The following MUC5B variants were observed in gnomAD, a reference collection of about 807,000 sequenced individuals.
The protein encoded by MUC5B is mucin 5B, oligomeric mucus/gel-forming.
Under a neutral mutation model 376.9 loss-of-function variants are expected in MUC5B, and 116 were observed. That is an observed-to-expected ratio of 0.31 (90% CI 0.26 to 0.36). MUC5B has a LOEUF of 0.36. Ranked by LOEUF, MUC5B falls within the 10% of genes least tolerant of loss-of-function variation. The pLI is 1.00. For missense variants in MUC5B, 7,165 were observed against 7,769.9 expected (o/e 0.92, Z 2.93); for synonymous variants, 3,517 against 3,390.9 (o/e 1.04, Z -1.29).
rs765291910 is a variant in MUC5B, at chr11:1,249,240, A to G, written c.12360A>G (p.Ile4120Met). The G allele has an allele frequency of 3.2e-5, 52 of 1,611,390 alleles. No homozygotes were observed. In the East Asian group the frequency reaches 1.1e-3, roughly 35 times the overall value. ...LLPSSPTSAP[I>M]TTVVTTGCEP... ...CCAGCAGCCCCACATCGGCCCCCATAACCACGGTGGTGACCACGGGCTGTG... is the reference window on the plus strand; with the variant it reads ...CCAGCAGCCCCACATCGGCCCCCATGACCACGGTGGTGACCACGGGCTGTG... The change falls in exon 31 of 49, where the codon ATA (isoleucine) becomes ATG (methionine). Residue 4120 changes from isoleucine to methionine, a missense_variant. Around this residue, in one of 31 missense-constraint regions of MUC5B, gnomAD observed 47 missense variants for 88.4 expected, o/e 0.53. Coordinates refer to ENST00000529681, the MANE Select transcript of MUC5B (RefSeq NM_002458.3).
rs199702689 is a variant in MUC5B at position 1,241,853 on chromosome 11, C to T, written c.4973C>T (p.Thr1658Ile). The change falls in exon 31 of 49, where the codon ACA (threonine) becomes ATA (isoleucine). Residue 1658 changes from threonine (T) to isoleucine (I), a missense_variant. By Grantham distance (89) the Thr-to-Ile change is moderately conservative. Transcript: ENST00000529681. ...TAVPTLSEGL[T>I]SPRYTSTLGT... is the part of the protein sequence containing the mutation. ...GTCCCCACCCTCTCAGAAGGACTGA[C>T]ATCCCCCAGATACACAAGCACCCTT... 2.2e-5 allele frequency: 35 copies of T among 1,613,296 alleles called. No individual in the cohort carries two copies. Among genetic ancestry groups the T allele is most frequent in the Middle Eastern group, 3.3e-4 (2 of 6,084 alleles).
chr11:1,251,102 C>T lies in MUC5B; in HGVS notation c.14222C>T (p.Thr4741Ile), dbSNP rs1048838989. The T allele has an allele frequency of 3.1e-6, 5 of 1,611,312 alleles. No homozygotes were observed. The highest frequency in any genetic ancestry group is 4.2e-6 in the Non-Finnish European group (5 of 1,178,290). Residue 4741 changes from threonine to isoleucine, a missense_variant, in exon 31 of 49, where the codon ACA becomes ATA. Coordinates refer to ENST00000529681, the MANE Select transcript of MUC5B (RefSeq NM_002458.3). ...TATTLPVLTS[T>I]ATKSTATSFT... is the part of the protein sequence containing the mutation. ...ACCACCCTTCCAGTGCTGACAAGCACAGCCACAAAATCCACAGCTACCAGC... is the reference window on the plus strand; with the variant it reads ...ACCACCCTTCCAGTGCTGACAAGCATAGCCACAAAATCCACAGCTACCAGC...
Position 1,231,520 on chromosome 11 carries a change from G to C in MUC5B, c.1638G>C (p.Val546=), listed in dbSNP as rs1423876554. The C allele has an allele frequency of 1.3e-6, 2 of 1,599,768 alleles. No individual in the cohort carries two copies. The highest frequency in any genetic ancestry group is 1.7e-6 in the Non-Finnish European group (2 of 1,174,430). ...TGCAGCTGGTGCCACTCATGCAGGT[G>C]TTTGTCAGGCTGGACCCCGCCCACC... ...LLVQLVPLMQ[V]FVRLDPAHQG... Residue 546 remains valine, a synonymous_variant, in exon 14 of 49, where the codon GTG becomes GTC. Transcript: ENST00000529681.
Position 1,249,693 on chromosome 11 carries a change from C to G in MUC5B, c.12813C>G (p.Ser4271=). 5 of 1,610,222 alleles carry G rather than the reference C, an allele frequency of 3.1e-6. No homozygotes were observed. The highest frequency in any genetic ancestry group is 4.2e-6 in the Non-Finnish European group (5 of 1,177,730). The part of the protein sequence containing the change: ...ASTGSTATPS[S]TPGTAPPPKV... ...CTGGATCCACGGCCACCCCGTCCTC[C>G]ACCCCGGGAACAGCTCCCCCTCCCA... The change falls in exon 31 of 49, where the codon TCC becomes TCG. Residue 4271 remains serine (S), a synonymous_variant. Coordinates refer to ENST00000529681, the MANE Select transcript of MUC5B (RefSeq NM_002458.3).
chr11:1,260,162 G>A, intron 46 of MUC5B, 77 bp downstream of exon 46: 2 of 1,553,314 alleles, frequency 1.3e-6, no homozygotes, highest in Non-Finnish European at 8.7e-7. Flanking sequence ...GGGATGCCCT[G>A]CACAGCAGGG....
In MUC5B at chr11:1,233,117, G is replaced by A. The variant is rs764253371; in HGVS notation, c.2170G>A (p.Val724Ile). ...GLSEADVTCS[V>I]SFVPVDGCTC... ...GAGTGAGGCCGACGTCACCTGCAGC[G>A]TTTCCTTCGTGCCTGTGGACGGCTG... Residue 724 changes from valine to isoleucine, a missense_variant, in exon 18 of 49, where the codon GTT (valine) becomes ATT (isoleucine). By Grantham distance (29) the Val-to-Ile change is conservative (BLOSUM62 3). Coordinates refer to ENST00000529681, the MANE Select transcript of MUC5B (RefSeq NM_002458.3). 24 of 1,607,718 alleles carry A rather than the reference G, an allele frequency of 1.5e-5. No individual in the cohort carries two copies. Among genetic ancestry groups the A allele is most frequent in the Middle Eastern group, 1.6e-4 (1 of 6,082 alleles).
At chr11:1,256,324 C>T (rs964604486) in intron 38 of MUC5B, 99 bp downstream of exon 38, 10 of 676,144 alleles carry the variant, frequency 1.5e-5, no homozygotes, top group South Asian at 1.6e-5. Flanking sequence ...CTGTGGGCCA[C>T]AGATCTCTGG....
At position 1,241,340 on chromosome 11, in the gene MUC5B, G is replaced by A. The variant is rs1424892207; in HGVS notation, c.4460G>A (p.Ser1487Asn). 1.2e-6 allele frequency: 2 copies of A among 1,610,950 alleles called. No individual in the cohort carries two copies. The highest frequency in any genetic ancestry group is 3.4e-5 in the Admixed American group (2 of 59,472). ...TAALTSQTGS[S>N]SGPVTVTPSA... ...GCCCTCACCTCGCAGACTGGGTCCAGCTCAGGCCCCGTGACGGTCACCCCC... is the reference window on the plus strand; with the variant it reads ...GCCCTCACCTCGCAGACTGGGTCCAACTCAGGCCCCGTGACGGTCACCCCC... The change falls in exon 31 of 49, where the codon AGC (serine) becomes AAC (asparagine). Residue 1487 changes from serine (S) to asparagine (N), a missense_variant. Ser to Asn is a conservative substitution (Grantham distance 46, BLOSUM62 1). This residue lies in a region of MUC5B where 517 missense variants were observed against 545.3 expected (regional missense o/e 0.95). Coordinates refer to ENST00000529681, the MANE Select transcript of MUC5B (RefSeq NM_002458.3).
intron 34 of MUC5B, 49 bp downstream of exon 34, chr11:1,254,400 C>A (rs753061655): frequency 1.9e-6 from 3 of 1,584,066 alleles, no homozygotes; most frequent in East Asian, 2.2e-5. Flanking sequence ...CCCAACCGCA[C>A]CTGGGCAGGC....
rs558005823 is a variant in MUC5B, at chr11:1,249,230, C to T, written c.12350C>T (p.Ser4117Leu). Residue 4117 changes from serine to leucine, a missense_variant, in exon 31 of 49, where the codon TCG (serine) becomes TTG (leucine). Ser to Leu is a moderately radical substitution (Grantham distance 145). Transcript: ENST00000529681. The stretch of plus-strand genomic sequence containing the variant: ...ACCCTGCTGCCCAGCAGCCCCACAT[C>T]GGCCCCCATAACCACGGTGGTGACC... Reference protein sequence around the residue: ...TSTLLPSSPTSAPITTVVTTG... With the variant: ...TSTLLPSSPTLAPITTVVTTG... 31 of 1,611,524 alleles carry T rather than the reference C, an allele frequency of 1.9e-5. No homozygotes were observed. Among genetic ancestry groups the T allele is most frequent in the East Asian group, 6.7e-5 (3 of 44,878 alleles).
At chr11:1,254,972 G>A in intron 35 of MUC5B, 69 bp from the exon 36 acceptor site, 2 of 1,059,450 alleles carry the variant, frequency 1.9e-6, no homozygotes, top group Middle Eastern at 2.3e-4. Flanking sequence ...GGGAATGAGT[G>A]GGGGAGGGGG....
rs762590693 is a variant in MUC5B, at chr11:1,240,221, C to T, written c.3816C>T (p.Asp1272=). Reference sequence around the variant, plus strand: ...AGGACAGGACCTACAGCTACCAGGACGTCATCTACAACACCACCGATGGGC... The same window carrying T: ...AGGACAGGACCTACAGCTACCAGGATGTCATCTACAACACCACCGATGGGC... ...TYEDRTYSYQ[D]VIYNTTDGLG... is the part of the protein sequence containing the mutation. Residue 1272 remains aspartate (D), a synonymous_variant, in exon 30 of 49, where the codon GAC becomes GAT. Transcript: ENST00000529681. 6.2e-6 allele frequency: 10 copies of T among 1,612,738 alleles called. No homozygotes were observed. The highest frequency in any genetic ancestry group is 1.6e-4 in the Middle Eastern group (1 of 6,078).
In MUC5B at chr11:1,232,661, C is replaced by G. The variant is rs1045493159; in HGVS notation, c.1956C>G (p.Thr652=). 1.2e-6 allele frequency: 2 copies of G among 1,602,056 alleles called. No individual in the cohort carries two copies. The highest frequency in any genetic ancestry group is 2.7e-5 in the African/African-American group (2 of 74,738). ...CTCCGCAGAACTGCATGTTTGACACCTGCAACTGTGAGCGGAGCGAGGACT... is the reference window on the plus strand; with the variant it reads ...CTCCGCAGAACTGCATGTTTGACACGTGCAACTGTGAGCGGAGCGAGGACT... ...KPFHSNCMFD[T]CNCERSEDCL... The change falls in exon 17 of 49, where the codon ACC becomes ACG. Residue 652 remains threonine (T), a synonymous_variant. Transcript: ENST00000529681.
intron 11 of MUC5B, 105 bp from the exon 12 acceptor site, chr11:1,230,385 T>A: frequency 8.2e-7 from 1 of 1,216,184 alleles, no homozygotes; most frequent in Non-Finnish European, 1.1e-6. Context: ...AAGGACCACC[T>A]CCCCACAGAG....
In MUC5B at chr11:1,255,279, C is replaced by T. The variant is rs777565525; in HGVS notation, c.15890+13C>T. 1.3e-6 allele frequency: 2 copies of T among 1,510,334 alleles called. No homozygotes were observed. Among genetic ancestry groups the T allele is most frequent in the Non-Finnish European group, 1.8e-6 (2 of 1,122,468 alleles). 93.6% of individuals were successfully genotyped at this position (1,510,334 alleles called of 1,614,324 possible). ...TGATGCTGAGCCAGTGAGTCCTCCC[C>T]TCGGGGGTTGCAGGCCCTGGGGCGC... On this transcript the variant is annotated intron_variant, in intron 36 of 48. Coordinates refer to ENST00000529681, the MANE Select transcript of MUC5B (RefSeq NM_002458.3).
At position 1,258,080 on chromosome 11, in the gene MUC5B, G is replaced by A. The variant is rs1164250680; in HGVS notation, c.16451-19G>A. 1.3e-6 allele frequency: 2 copies of A among 1,559,288 alleles called. No individual in the cohort carries two copies. Among genetic ancestry groups the A allele is most frequent in the South Asian group, 1.2e-5 (1 of 84,906 alleles). ...GAGGAGTGAGCAGCGCCCAGACAGT[G>A]GCCTCCATCCTCCCGCAGTGTGCAA... On this transcript the variant is annotated intron_variant, in intron 41 of 48. Coordinates refer to ENST00000529681, the MANE Select transcript of MUC5B (RefSeq NM_002458.3). This position sits in a 1 kb window ranked among gnomAD's most constrained non-coding sequence, Gnocchi z 5.5.
chr11:1,233,046 G>A lies in MUC5B; in HGVS notation c.2099G>A (p.Arg700His), dbSNP rs2735715. Residue 700 changes from arginine (R) to histidine (H), a missense_variant, in exon 18 of 49, where the codon CGC becomes CAC. Physicochemically the swap from Arg to His is conservative, Grantham distance 29 (BLOSUM62 0). This residue lies in a region of MUC5B where 530 missense variants were observed against 604.0 expected (regional missense o/e 0.88). Transcript: ENST00000529681. The stretch of plus-strand genomic sequence containing the variant: ...ATGCAGAACTGCCCCAAGTCCCAGC[G>A]CTACGCCTACGTGGTGGATGCCTGC... Reference protein sequence around the residue: ...KYMQNCPKSQRYAYVVDACQP... With the variant: ...KYMQNCPKSQHYAYVVDACQP... The A allele has an allele frequency of 5.6e-6, 9 of 1,602,388 alleles. No individual in the cohort carries two copies. The highest frequency in any genetic ancestry group is 4.4e-5 in the South Asian group (4 of 90,036).
Position 1,227,670 on chromosome 11 carries a change from G to A in MUC5B, c.668-5G>A, listed in dbSNP as rs372765890. ...GCCACCACACCCCTGCTTTCTTCCC[G>A]GCAGACGCCAGGCTGACCCCGCTCC... On this transcript the variant is annotated splice_region_variant and splice_polypyrimidine_tract_variant and intron_variant, in intron 6 of 48. Coordinates refer to ENST00000529681, the MANE Select transcript of MUC5B (RefSeq NM_002458.3). 52 of 718,736 alleles carry A rather than the reference G, an allele frequency of 7.2e-5. No individual in the cohort carries two copies. The highest frequency in any genetic ancestry group is 1.2e-4 in the Admixed American group (6 of 50,156). The allele number at this position is 718,736 out of a possible 1,614,324, so 44.5% of individuals were successfully genotyped here. A position where few individuals can be genotyped will look rare whatever the true frequency, so the allele number is the denominator to read the frequency against.
chr11:1,227,759 C>T lies in MUC5B; in HGVS notation c.752C>T (p.Pro251Leu), dbSNP rs1037950809. Residue 251 changes from proline to leucine, a missense_variant, in exon 7 of 49, where the codon CCG becomes CTG. This residue lies in a region of MUC5B where 640 missense variants were observed against 733.0 expected (regional missense o/e 0.87). Coordinates refer to ENST00000529681, the MANE Select transcript of MUC5B (RefSeq NM_002458.3). ...CAGTGCCCGGACCCGCTGCCCTTGC[C>T]GGCCGGCAACTGCACGGACGAGGTG... The part of the protein sequence containing the change: ...TEQCPDPLPL[P>L]AGNCTDEEGI... 1.4e-5 allele frequency: 10 copies of T among 718,152 alleles called. No homozygotes were observed. Among genetic ancestry groups the T allele is most frequent in the Admixed American group, 6.0e-5 (3 of 50,200 alleles). 44.5% of individuals were successfully genotyped at this position (718,152 alleles called of 1,614,324 possible).
Sources: allele counts gnomAD v4.1 joint callset, GRCh38; gene constraint gnomAD v4.1.1; regional missense constraint gnomAD v4.1.1; non-coding constraint Gnocchi (gnomAD v3.1); transcripts MANE v1.5; gene names NCBI Gene and HGNC (gene_info 2026-07-23, HGNC 2026-07-21).